Variants in KLHL29 observed in about 807,000 individuals in gnomAD.
The protein encoded by KLHL29 is kelch-like protein 29.
KLHL29 carries 21 observed loss-of-function variants against 80.4 expected under a neutral mutation model. The ratio of observed to expected loss-of-function variants is 0.26; its 90% CI spans 0.19 to 0.38. KLHL29 has a LOEUF of 0.38. KLHL29 is among the 10% of genes least tolerant of loss of function. The probability of loss-of-function intolerance (pLI) is 1.00; values close to 1 mark genes in which losing one functional copy is unlikely to be tolerated. For missense variants in KLHL29, 867 were observed against 1,223.9 expected (o/e 0.71, Z 4.35); for synonymous variants, 511 against 526.8 (o/e 0.97, Z 0.41).
At chr2:23,654,480 T>C (rs1414431069) in intron 5 of KLHL29, among the ~76,000 whole-genome samples, 1 of 152,210 alleles carries the variant, frequency 6.6e-6, no homozygotes, top group Non-Finnish European at 1.5e-5. Flanking sequence ...AGTCTTTCTT[T>C]TATATGGAGA....
intron 2 of KLHL29, among the ~76,000 whole-genome samples, chr2:23,502,047 T>G (rs1452189709): frequency 6.6e-6 from 1 of 152,166 alleles, no homozygotes; most frequent in Non-Finnish European, 1.5e-5. Flanking sequence ...GCCCATCGGG[T>G]GCTGTTGCTG....
chr2:23,476,651 T>G (rs774064101), intron 2 of KLHL29, among the ~76,000 whole-genome samples: 8 of 152,262 alleles, frequency 5.3e-5, no homozygotes, highest in Non-Finnish European at 8.8e-5. Flanking sequence ...GATGGACATT[T>G]AGCATATTTT....
At chr2:23,405,649 A>G (rs1208616452) in intron 1 of KLHL29, among the ~76,000 whole-genome samples, 3 of 152,186 alleles carry the variant, frequency 2.0e-5, no homozygotes, top group Non-Finnish European at 2.9e-5. Context: ...CTGCAAGCTC[A>G]GCTCCCAACC....
At position 23,457,905 on chromosome 2, in the gene KLHL29, C is replaced by T. The variant is rs190630469; in HGVS notation, c.-153-17655C>T. Among the ~76,000 whole-genome samples, 147 of 152,072 alleles carry T rather than the reference C, an allele frequency of 9.7e-4. No homozygotes were observed. Among genetic ancestry groups the T allele is most frequent in the African/African-American group, 3.1e-3 (128 of 41,472 alleles). ...GCGGGCACCTGTAATCCCAGCTACT[C>T]GGGAGGTTGAGGCAGGAGAATGGCA... On this transcript the variant is annotated intron_variant, in intron 1 of 13. Coordinates refer to ENST00000486442, the MANE Select transcript of KLHL29 (RefSeq NM_052920.2). The surrounding 1 kb of genome is among the most constrained non-coding windows in gnomAD (Gnocchi z 4.3).
At chr2:23,566,792 A>G (rs1667599613) in intron 3 of KLHL29, among the ~76,000 whole-genome samples, 1 of 152,266 alleles carries the variant, frequency 6.6e-6, no homozygotes, top group Non-Finnish European at 1.5e-5. Flanking sequence ...GGTTAAATTA[A>G]TATGCATAGA....
chr2:23,562,646 C>A lies in KLHL29; in HGVS notation c.285+165C>A, dbSNP rs1368733871. Among the ~76,000 whole-genome samples, 2 of 152,152 alleles carry A rather than the reference C, an allele frequency of 1.3e-5. No homozygotes were observed. The highest frequency in any genetic ancestry group is 2.9e-5 in the Non-Finnish European group (2 of 68,032). On this transcript the variant is annotated intron_variant, in intron 3 of 13. Coordinates refer to ENST00000486442, the MANE Select transcript of KLHL29 (RefSeq NM_052920.2). The surrounding 1 kb of genome is among the most constrained non-coding windows in gnomAD (Gnocchi z 4.5). ...CCTGGGCCTGGAAACTGTTTGCGAG[C>A]ATTCATGCGGGTTTTATTATCCATG...
intron 1 of KLHL29, among the ~76,000 whole-genome samples, chr2:23,416,436 G>GA (rs1660646407): frequency 6.6e-6 from 1 of 152,192 alleles, no homozygotes; most frequent in South Asian, 2.1e-4. Context: ...AAAGGCAAGT[G>GA]ATACACCAAG....
intron 1 of KLHL29, among the ~76,000 whole-genome samples, chr2:23,412,184 T>C (rs1430820659): frequency 6.7e-6 from 1 of 148,762 alleles, no homozygotes; most frequent in Non-Finnish European, 1.5e-5. Flanking sequence ...CTGAGACCAC[T>C]GGGCTGGACA....
chr2:23,404,829 GT>G (rs1280091985), intron 1 of KLHL29, among the ~76,000 whole-genome samples: 1 of 152,160 alleles, frequency 6.6e-6, no homozygotes, highest in African/African-American at 2.4e-5. Flanking sequence ...CTTTGCAGGA[GT>G]TTTCTCCAGA....
chr2:23,570,550 A>T (rs73919766), intron 3 of KLHL29, among the ~76,000 whole-genome samples: 2,445 of 152,294 alleles, frequency 0.016, 64 homozygotes, highest in African/African-American at 0.05. Context: ...TTAGAGGGCC[A>T]CACAGTTTCC....
chr2:23,484,473 A>G lies in KLHL29; in HGVS notation c.-46+8806A>G, dbSNP rs183490932. Among the ~76,000 whole-genome samples, 34 of 152,350 alleles carry G rather than the reference A, an allele frequency of 2.2e-4. No individual in the cohort carries two copies. The East Asian group carries it at 6.2e-3, about 28-fold the overall frequency. ...TAACCTAGTAACAGCACAGGAGGCA[A>G]CAATTAACCCGGCACTCCGTTCTCT... On this transcript the variant is annotated intron_variant, in intron 2 of 13. Transcript: ENST00000486442.
At chr2:23,635,227 G>A (rs879378780) in intron 3 of KLHL29, among the ~76,000 whole-genome samples, 3 of 152,244 alleles carry the variant, frequency 2.0e-5, no homozygotes, top group Non-Finnish European at 2.9e-5. Context: ...TACACAGCCT[G>A]GTGAGCAAAG....
intron 2 of KLHL29, among the ~76,000 whole-genome samples, chr2:23,490,086 G>A (rs773992262): frequency 1.3e-5 from 2 of 152,254 alleles, no homozygotes; most frequent in African/African-American, 2.4e-5. Context: ...GAGCCTCCGT[G>A]GGCGAGGATG....
intron 1 of KLHL29, among the ~76,000 whole-genome samples, chr2:23,427,221 AT>A (rs1663028413): frequency 6.6e-6 from 1 of 152,186 alleles, no homozygotes; most frequent in Admixed American, 6.5e-5. Context: ...CCACACGTTG[AT>A]CATTCTGGGC....
At chr2:23,697,820 C>T (rs1306111785) in intron 11 of KLHL29, 1 of 152,164 alleles carries the variant, frequency 6.6e-6, no homozygotes, top group Non-Finnish European at 1.5e-5. Flanking sequence ...TGACCCACTG[C>T]CCAGCTATGC....
intron 3 of KLHL29, among the ~76,000 whole-genome samples, chr2:23,633,825 C>CTGAAGGCTCAACTG (rs1275116480): frequency 2.0e-5 from 3 of 150,510 alleles, no homozygotes; most frequent in African/African-American, 7.4e-5. Context: ...CCGTGCTATG[C>CTGAAGGCTCAACTG]TGAAGGCTCA....
chr2:23,677,310 T>TA (rs1670951700), intron 5 of KLHL29, among the ~76,000 whole-genome samples: 1 of 152,180 alleles, frequency 6.6e-6, no homozygotes, highest in Non-Finnish European at 1.5e-5. Flanking sequence ...AACAGCAGGC[T>TA]AGTGGGTGAG....
chr2:23,651,587 A>G (rs1670088541), intron 5 of KLHL29, among the ~76,000 whole-genome samples: 2 of 152,190 alleles, frequency 1.3e-5, no homozygotes, highest in Non-Finnish European at 2.9e-5. Context: ...GGTGACAGGC[A>G]AGGTGGCCCA....
chr2:23,694,071 G>A (rs757668474), intron 8 of KLHL29, among the ~76,000 whole-genome samples: 10 of 152,226 alleles, frequency 6.6e-5, no homozygotes, highest in Non-Finnish European at 1.3e-4. Flanking sequence ...GCTAATAACA[G>A]TGACAGCCAC....
Sources: gnomAD v4.1 joint callset for allele counts (sites outside exome capture counted in the v4.1 genomes callset) on GRCh38, gnomAD v4.1.1 for gene constraint, Gnocchi (gnomAD v3.1) non-coding constraint, MANE v1.5 for transcripts, NCBI Gene and HGNC (gene_info 2026-07-23, HGNC 2026-07-21) for gene names.